Variants in KIAA0319L observed in about 807,000 individuals in gnomAD.
The protein encoded by KIAA0319L is KIAA0319 like.
In KIAA0319L, 55 loss-of-function variants were observed where a neutral mutation model predicts 120.1. The observed-to-expected ratio is 0.46, with a 90% CI of 0.37 to 0.57. The LOEUF is 0.57. Among genes scored for constraint, KIAA0319L ranks in the 20% least tolerant of loss-of-function variants. The pLI, the probability that KIAA0319L is intolerant of heterozygous loss-of-function variation, is 0.00. For missense variants in KIAA0319L, 1,049 were observed against 1,255.3 expected (o/e 0.84, Z 2.48); for synonymous variants, 398 against 471.9 (o/e 0.84, Z 2.03).
chr1:35,538,405 A>G (rs1245073724), intron 2 of KIAA0319L, among the ~76,000 whole-genome samples: 3 of 152,062 alleles, frequency 2.0e-5, no homozygotes, highest in Non-Finnish European at 4.4e-5. Flanking sequence ...ACCCTGGCCA[A>G]TACAGTGAAA....
chr1:35,532,297 C>T (rs547731817), intron 2 of KIAA0319L, among the ~76,000 whole-genome samples: 3 of 150,524 alleles, frequency 2.0e-5, no homozygotes, highest in Admixed American at 6.6e-5. Flanking sequence ...ATGTTTAATT[C>T]GTGGGATTTT....
At chr1:35,520,248 T>C (rs1645857301) in intron 2 of KIAA0319L, among the ~76,000 whole-genome samples, 1 of 152,032 alleles carries the variant, frequency 6.6e-6, no homozygotes. Flanking sequence ...TACAGGCATG[T>C]GCCACCACGC....
In KIAA0319L at chr1:35,479,045, G is replaced by C. The variant is rs1029618784; in HGVS notation, c.834C>G (p.Pro278=). The change falls in exon 4 of 21, where the codon CCC becomes CCG. Residue 278 remains proline (P), a synonymous_variant. Transcript: ENST00000325722. The part of the protein sequence containing the change: ...KSSEKTQIAV[P]QPVAPSYSYA... ...AACTGTAGGAGGGAGCCACTGGCTG[G>C]GGGACAGCAATCTGGGTTTTCTCAG... 1 of 1,614,128 alleles carries C rather than the reference G, an allele frequency of 6.2e-7. No homozygotes were observed. The highest frequency in any genetic ancestry group is 1.3e-5 in the African/African-American group (1 of 75,012).
chr1:35,509,881 A>T (rs1309187768), intron 2 of KIAA0319L: 1 of 152,380 alleles, frequency 6.6e-6, no homozygotes, highest in Non-Finnish European at 1.5e-5. Flanking sequence ...AAAACTAATC[A>T]CCCAACTGCA....
chr1:35,435,823 T>A (rs535308810), intron 20 of KIAA0319L, among the ~76,000 whole-genome samples: 6 of 152,092 alleles, frequency 3.9e-5, no homozygotes, highest in African/African-American at 9.7e-5. Flanking sequence ...AGACATGAAA[T>A]GTGGTCTGAT....
At chr1:35,458,380 G>A (rs1642641253) in intron 9 of KIAA0319L, among the ~76,000 whole-genome samples, 2 of 152,172 alleles carry the variant, frequency 1.3e-5, no homozygotes, top group African/African-American at 4.8e-5. Context: ...AAACCAAACA[G>A]CAGCTGACTA....
At chr1:35,467,667 C>G (rs1643359400) in intron 6 of KIAA0319L, among the ~76,000 whole-genome samples, 1 of 152,054 alleles carries the variant, frequency 6.6e-6, no homozygotes, top group Admixed American at 6.6e-5. Flanking sequence ...TGAACACCTT[C>G]CCTACTATAA....
Position 35,444,336 on chromosome 1 carries a change from A to G in KIAA0319L, c.2514-33T>C, listed in dbSNP as rs201544013. On this transcript the variant is annotated intron_variant, in intron 16 of 20. Transcript: ENST00000325722. ...GACATGCAACAGTACTAATGAGCTG[A>G]AGCGGTCCATACCTGCAGCAACAGC... The G allele has an allele frequency of 3.6e-3, 5,548 of 1,561,678 alleles. 14 individuals are homozygous for G. Among genetic ancestry groups the G allele is most frequent in the Non-Finnish European group, 3.8e-3 (4,426 of 1,153,144 alleles).
At chr1:35,517,406 C>A (rs951500923) in intron 2 of KIAA0319L, among the ~76,000 whole-genome samples, 3 of 152,052 alleles carry the variant, frequency 2.0e-5, no homozygotes, top group Admixed American at 6.6e-5. Context: ...AGAAACAAAG[C>A]CACACACCTA....
At chr1:35,502,273 CAAGAAAAAAAAAAA>C (rs1465565739) in intron 3 of KIAA0319L, among the ~76,000 whole-genome samples, 7 of 107,616 alleles carry the variant, frequency 6.5e-5, no homozygotes, top group South Asian at 3.0e-4. Context: ...GACTCTGTCT[CAAGAAAAAAAAAAA>C]AAGAAAAAAA....
chr1:35,489,061 A>G (rs1382246249), intron 3 of KIAA0319L, among the ~76,000 whole-genome samples: 1 of 152,204 alleles, frequency 6.6e-6, no homozygotes, highest in Non-Finnish European at 1.5e-5. Flanking sequence ...GAGACTGAAA[A>G]CTTAATGATA....
intron 2 of KIAA0319L, among the ~76,000 whole-genome samples, chr1:35,521,225 C>A (rs1618735): frequency 0.23 from 34,887 of 151,918 alleles, 8,546 homozygotes; most frequent in African/African-American, 0.58. Flanking sequence ...GTAATCCCAG[C>A]AACTGGGGGA....
intron 8 of KIAA0319L, among the ~76,000 whole-genome samples, chr1:35,461,487 C>T (rs1642886423): frequency 2.6e-5 from 4 of 151,948 alleles, no homozygotes; most frequent in Admixed American, 2.6e-4. Flanking sequence ...GAAAAATTCT[C>T]CAACATACAA....
intron 19 of KIAA0319L, among the ~76,000 whole-genome samples, chr1:35,441,959 C>T (rs1641255375): frequency 6.6e-6 from 1 of 152,208 alleles, no homozygotes; most frequent in Non-Finnish European, 1.5e-5. Flanking sequence ...GTCTGTACCC[C>T]TGGCCCTCAC....
At chr1:35,460,091 T>C (rs764283045) in intron 9 of KIAA0319L, among the ~76,000 whole-genome samples, 27 of 152,228 alleles carry the variant, frequency 1.8e-4, no homozygotes, top group Non-Finnish European at 3.2e-4. Flanking sequence ...TGGCAGATCC[T>C]GATCTACTAT....
intron 20 of KIAA0319L, 87 bp downstream of exon 20, chr1:35,440,960 A>G: frequency 3.0e-6 from 3 of 992,112 alleles, no homozygotes. Flanking sequence ...GTGGGCTGTT[A>G]GTGACACACT....
At chr1:35,541,645 C>T (rs915638556) in intron 2 of KIAA0319L, among the ~76,000 whole-genome samples, 2 of 152,136 alleles carry the variant, frequency 1.3e-5, no homozygotes, top group Non-Finnish European at 2.9e-5. Flanking sequence ...CCACCGCGCC[C>T]AGCCTACAAA....
At position 35,444,097 on chromosome 1, in the gene KIAA0319L, G is replaced by A. The variant is rs1265463482; in HGVS notation, c.2656+64C>T. On this transcript the variant is annotated intron_variant, in intron 17 of 20. Transcript: ENST00000325722. Reference sequence around the variant, plus strand: ...AGAAGATGAAGGCCAAGGACAGAAAGGACCAATGGGTGAGCTGCAGGCACT... The same window carrying A: ...AGAAGATGAAGGCCAAGGACAGAAAAGACCAATGGGTGAGCTGCAGGCACT... The A allele has an allele frequency of 4.3e-6, 6 of 1,383,860 alleles. No homozygotes were observed. The East Asian group carries it at 9.8e-5, about 23-fold the overall frequency. The allele number at this position is 1,383,860 out of a possible 1,614,324, so 85.7% of individuals were successfully genotyped here.
chr1:35,443,071 CA>C (rs1641343416), intron 17 of KIAA0319L, 43 bp from the exon 18 acceptor site: 1 of 1,613,070 alleles, frequency 6.2e-7, no homozygotes. Context: ...AAGACTCAGC[CA>C]GGGGTGACAA....
Sources: allele counts gnomAD v4.1 joint callset (sites outside exome capture counted in the v4.1 genomes callset), GRCh38; gene constraint gnomAD v4.1.1; transcripts MANE v1.5; gene names NCBI Gene and HGNC (gene_info 2026-07-23, HGNC 2026-07-21).